The following OTOA variants were observed in gnomAD, a reference collection of about 807,000 sequenced individuals.
OTOA encodes cancer/testis antigen 108.
A neutral mutation model predicts 110.8 loss-of-function variants in OTOA; 70 were observed. That is an observed-to-expected ratio of 0.63 (90% CI 0.52 to 0.77). The LOEUF (loss-of-function observed/expected upper bound fraction) is 0.77. OTOA is among the 30% of genes least tolerant of loss of function. The pLI is 0.00. For synonymous variants in OTOA, 373 were observed against 431.5 expected, an observed-to-expected ratio of 0.86 and a Z score of 1.68; for missense variants, 917 against 1,075.8, an observed-to-expected ratio of 0.85 and a Z score of 2.06.
chr16:21,729,209 A>AT (rs1373042329), intron 20 of OTOA, among the ~76,000 whole-genome samples: 14 of 149,034 alleles, frequency 9.4e-5, no homozygotes, highest in Non-Finnish European at 1.6e-4. Flanking sequence ...TAATTTTTGT[A>AT]TTTTTTTTTA....
At chr16:21,673,670 G>A (rs762476335) in intron 1 of OTOA, among the ~76,000 whole-genome samples, 37 of 152,124 alleles carry the variant, frequency 2.4e-4, no homozygotes, top group Admixed American at 9.2e-4. Context: ...ATTCAATGGC[G>A]TGGACATACC....
At chr16:21,668,266 G>A (rs962323199) in intron 1 of OTOA, among the ~76,000 whole-genome samples, 1 of 151,904 alleles carries the variant, frequency 6.6e-6, no homozygotes, top group African/African-American at 2.4e-5. Context: ...GCATCACCAC[G>A]CCAGGCTAAA....
chr16:21,683,277 A>G (rs1241437915), intron 6 of OTOA, among the ~76,000 whole-genome samples: 1 of 152,182 alleles, frequency 6.6e-6, no homozygotes, highest in East Asian at 1.9e-4. Flanking sequence ...GCTAGCAACT[A>G]TTGAAAACAC....
At chr16:21,665,298 C>A (rs1290476298) in intron 1 of OTOA, among the ~76,000 whole-genome samples, 1 of 152,140 alleles carries the variant, frequency 6.6e-6, no homozygotes, top group Non-Finnish European at 1.5e-5. Flanking sequence ...AGCTGTGTGA[C>A]CTTGGGCAGG....
intron 1 of OTOA, among the ~76,000 whole-genome samples, chr16:21,673,682 C>G (rs1966852274): frequency 2.0e-5 from 3 of 152,208 alleles, no homozygotes; most frequent in African/African-American, 7.2e-5. Flanking sequence ...GGACATACCA[C>G]ACACAGTGAG....
At chr16:21,695,891 A>ATTTTTTTTTTTTTTTTTTTTT (rs386384450) in intron 9 of OTOA, among the ~76,000 whole-genome samples, 2 of 41,896 alleles carry the variant, frequency 4.8e-5, no homozygotes, top group Non-Finnish European at 7.4e-5. Context: ...ATATATATAT[A>ATTTTTTTTTTTTTTTTTTTTT]TTTTTTTTTT....
At chr16:21,678,725 TATG>T in intron 2 of OTOA, 120 bp downstream of exon 2, 1 of 1,147,966 alleles carries the variant, frequency 8.7e-7, no homozygotes. Context: ...TGTGTGCATG[TATG>T]ATTTTTCAGG....
At position 21,701,002 on chromosome 16, in the gene OTOA, A is replaced by T. The variant is rs867166656; in HGVS notation, c.955A>T (p.Met319Leu). The stretch of plus-strand genomic sequence containing the variant: ...GAGGATCAGCTCCTCCAACTTTAAC[A>T]TGAGGAATACCTCCACCATCCACAG... ...LERISSSNFN[M>L]RNTSTIHRLG... Residue 319 changes from methionine to leucine, a missense_variant, in exon 11 of 29, where the codon ATG (methionine) becomes TTG (leucine). Physicochemically the swap from Met to Leu is conservative, Grantham distance 15. Transcript: ENST00000646100. 3 of 1,614,158 alleles carry T rather than the reference A, an allele frequency of 1.9e-6. No individual in the cohort carries two copies. Among genetic ancestry groups the T allele is most frequent in the South Asian group, 2.2e-5 (2 of 91,086 alleles).
intron 1 of OTOA, among the ~76,000 whole-genome samples, chr16:21,668,104 C>T (rs1237716030): frequency 1.3e-5 from 2 of 152,050 alleles, no homozygotes; most frequent in Non-Finnish European, 2.9e-5. Context: ...CCTCAATTGT[C>T]TCACAATTTT....
intron 17 of OTOA, among the ~76,000 whole-genome samples, chr16:21,720,683 A>G (rs923897381): frequency 6.6e-6 from 1 of 152,110 alleles, no homozygotes; most frequent in African/African-American, 2.4e-5. Flanking sequence ...TGCTGGTACA[A>G]ACCACTGAAC....
rs1325535175 is a variant in OTOA, at chr16:21,750,577, C to T, written c.2776-1358C>T. On this transcript the variant is annotated intron_variant, in intron 24 of 28. Coordinates refer to ENST00000646100, the MANE Select transcript of OTOA (RefSeq NM_144672.4). ...TCTTTGTGTTGGCTTCATTGAGAGACAGGCTCTATGCCTGCATGTGGTAGG... is the reference window on the plus strand; with the variant it reads ...TCTTTGTGTTGGCTTCATTGAGAGATAGGCTCTATGCCTGCATGTGGTAGG... Among the ~76,000 whole-genome samples the T allele has an allele frequency of 3.4e-4, 8 of 23,642 alleles. No homozygotes were observed. In the East Asian group the frequency reaches 3.7e-3, roughly 11 times the overall value. The allele number at this position is 23,642 out of a possible 152,430, so 15.5% of individuals were successfully genotyped here.
intron 17 of OTOA, among the ~76,000 whole-genome samples, chr16:21,720,584 G>A (rs1364979104): frequency 2.0e-5 from 3 of 152,164 alleles, no homozygotes; most frequent in African/African-American, 7.2e-5. Flanking sequence ...GTGGAAGGCT[G>A]TAAAAACACA....
chr16:21,675,063 G>GTCTTTCTTTCTTTCTT (rs199797416), intron 1 of OTOA, among the ~76,000 whole-genome samples: 70 of 123,290 alleles, frequency 5.7e-4, no homozygotes, highest in Non-Finnish European at 8.7e-4. Flanking sequence ...TTTTCTTTCT[G>GTCTTTCTTTCTTTCTT]TCTTTCTTTC....
At chr16:21,736,159 A>C in intron 21 of OTOA, 102 bp from the exon 22 acceptor site, 1 of 1,097,254 alleles carries the variant, frequency 9.1e-7, no homozygotes, top group Non-Finnish European at 1.4e-6. Context: ...GCTATAACAA[A>C]GAATGAAGGC....
chr16:21,695,963 C>T (rs189238742), intron 9 of OTOA, among the ~76,000 whole-genome samples: 3 of 138,708 alleles, frequency 2.2e-5, no homozygotes, highest in African/African-American at 8.2e-5. Flanking sequence ...GGTATGATCT[C>T]AGCTCACTGC....
intron 22 of OTOA, 28 bp downstream of exon 22, chr16:21,736,418 T>G (rs753252146): frequency 6.2e-7 from 1 of 1,613,928 alleles, no homozygotes; most frequent in Non-Finnish European, 8.5e-7. Flanking sequence ...ATCTGAGCCA[T>G]TGCTGACATA....
intron 1 of OTOA, among the ~76,000 whole-genome samples, chr16:21,675,412 C>T (rs1164108205): frequency 6.9e-6 from 1 of 145,136 alleles, no homozygotes; most frequent in African/African-American, 2.6e-5. Context: ...CCACCTCAAC[C>T]TTCCAAAATG....
intron 23 of OTOA, among the ~76,000 whole-genome samples, chr16:21,744,382 T>C (rs11486387): frequency 0.039 from 5,712 of 146,956 alleles, 1 homozygote; most frequent in African/African-American, 0.14. Context: ...CCTGGCCTCA[T>C]GTGATCTGCA....
chr16:21,707,552 TCCTCCCTC>T (rs1031299267), intron 12 of OTOA, among the ~76,000 whole-genome samples: 5 of 149,120 alleles, frequency 3.4e-5, no homozygotes, highest in Non-Finnish European at 6.0e-5. Flanking sequence ...TTCCCTCCCT[TCCTCCCTC>T]CCTCCCTCCC....
Sources: allele counts gnomAD v4.1 joint callset (sites outside exome capture counted in the v4.1 genomes callset), GRCh38; gene constraint gnomAD v4.1.1; transcripts MANE v1.5; gene names NCBI Gene and HGNC (gene_info 2026-07-23, HGNC 2026-07-21).